The following CDH12 variants were observed in gnomAD, a reference collection of about 807,000 sequenced individuals.
CDH12 encodes the protein cadherin 12.
In CDH12, 41 loss-of-function variants were observed where a neutral mutation model predicts 74.1. That is an observed-to-expected ratio of 0.55 (90% confidence interval 0.43 to 0.72). CDH12 has a LOEUF of 0.72. Ranked by LOEUF, CDH12 falls within the 30% of genes least tolerant of loss-of-function variation. CDH12 has a pLI of 0.00. For synonymous variants in CDH12, 399 were observed against 355.0 expected, an observed-to-expected ratio of 1.12 and a Z score of -1.39; for missense variants, 945 against 977.2, an observed-to-expected ratio of 0.97 and a Z score of 0.44.
intron 5 of CDH12, among the ~76,000 whole-genome samples, chr5:22,028,413 T>A (rs1738542450): frequency 6.6e-6 from 1 of 152,076 alleles, no homozygotes; most frequent in Non-Finnish European, 1.5e-5. Flanking sequence ...TTCAGCAAAG[T>A]CTCAGGATAC....
At chr5:22,606,854 T>C (rs946608831) in intron 1 of CDH12, among the ~76,000 whole-genome samples, 1 of 152,176 alleles carries the variant, frequency 6.6e-6, no homozygotes, top group African/African-American at 2.4e-5. Flanking sequence ...TGTGGGAATG[T>C]TTTGAACTTC....
intron 1 of CDH12, among the ~76,000 whole-genome samples, chr5:22,671,593 C>T (rs1472888272): frequency 6.6e-6 from 1 of 151,966 alleles, no homozygotes; most frequent in Non-Finnish European, 1.5e-5. Context: ...CCACAGGGAA[C>T]AAAATTGCTG....
intron 5 of CDH12, among the ~76,000 whole-genome samples, chr5:21,985,676 C>G (rs1757483567): frequency 6.6e-6 from 1 of 152,116 alleles, no homozygotes; most frequent in Non-Finnish European, 1.5e-5. Context: ...ATGTACAACA[C>G]AAACTACTTT....
At chr5:22,271,862 C>A (rs1192330478) in intron 3 of CDH12, among the ~76,000 whole-genome samples, 2 of 151,942 alleles carry the variant, frequency 1.3e-5, no homozygotes, top group African/African-American at 4.8e-5. Context: ...TATAAACAAT[C>A]ATGCTATCAC....
At chr5:22,290,897 T>C (rs1416595938) in intron 3 of CDH12, among the ~76,000 whole-genome samples, 1 of 152,182 alleles carries the variant, frequency 6.6e-6, no homozygotes, top group Non-Finnish European at 1.5e-5. Context: ...CAGGAGTTGA[T>C]GTCTTCAACG....
intron 1 of CDH12, among the ~76,000 whole-genome samples, chr5:22,799,050 G>C: frequency 6.6e-6 from 1 of 152,154 alleles, no homozygotes; most frequent in East Asian, 1.9e-4. Context: ...CTGGGAGAAA[G>C]AGGTTGAAAT....
At chr5:22,491,975 T>C (rs1318859790) in intron 2 of CDH12, among the ~76,000 whole-genome samples, 1 of 152,222 alleles carries the variant, frequency 6.6e-6, no homozygotes, top group Non-Finnish European at 1.5e-5. Context: ...TAGGGCTCAC[T>C]ATAACGACCT....
At chr5:22,092,098 G>T (rs1444015045) in intron 4 of CDH12, among the ~76,000 whole-genome samples, 1 of 151,424 alleles carries the variant, frequency 6.6e-6, no homozygotes, top group Non-Finnish European at 1.5e-5. Context: ...ACATAAAAAT[G>T]ACTTTTATCC....
At chr5:22,287,987 C>A (rs1737230058) in intron 3 of CDH12, among the ~76,000 whole-genome samples, 1 of 152,028 alleles carries the variant, frequency 6.6e-6, no homozygotes, top group Admixed American at 6.6e-5. Flanking sequence ...AACATTCCAC[C>A]CAGTCAATCA....
At chr5:22,023,724 G>T (rs1211423118) in intron 5 of CDH12, among the ~76,000 whole-genome samples, 3 of 152,094 alleles carry the variant, frequency 2.0e-5, no homozygotes, top group African/African-American at 7.2e-5. Flanking sequence ...ATTAAAACAA[G>T]CTTGGGTAAC....
intron 4 of CDH12, among the ~76,000 whole-genome samples, chr5:22,117,862 C>G (rs181847928): frequency 6.6e-6 from 1 of 151,614 alleles, no homozygotes; most frequent in African/African-American, 2.4e-5. Flanking sequence ...CTTGTTGTTT[C>G]CTTTAGAGTA....
At chr5:22,351,343 G>A (rs1386013258) in intron 3 of CDH12, among the ~76,000 whole-genome samples, 2 of 152,178 alleles carry the variant, frequency 1.3e-5, no homozygotes, top group Non-Finnish European at 2.9e-5. Flanking sequence ...TGGGACAAGT[G>A]AGCCACAGGT....
intron 3 of CDH12, among the ~76,000 whole-genome samples, chr5:22,253,656 G>A (rs945759736): frequency 2.6e-5 from 4 of 151,560 alleles, no homozygotes; most frequent in Admixed American, 6.6e-5. Flanking sequence ...TTTCAATCTA[G>A]CTCCTAAATT....
chr5:21,965,415 C>G (rs899564711), intron 6 of CDH12, among the ~76,000 whole-genome samples: 2 of 151,998 alleles, frequency 1.3e-5, no homozygotes, highest in African/African-American at 4.8e-5. Context: ...TTGGCATTTT[C>G]TTGTCATCAA....
chr5:21,832,864 CATATGATATATG>C (rs1749123050), intron 8 of CDH12, among the ~76,000 whole-genome samples: 1 of 71,180 alleles, frequency 1.4e-5, no homozygotes, highest in African/African-American at 1.6e-4. Flanking sequence ...TGATATATAT[CATATGATATATG>C]ATATAATATT....
chr5:22,434,119 T>C (rs1744280035), intron 2 of CDH12, among the ~76,000 whole-genome samples: 3 of 152,088 alleles, frequency 2.0e-5, no homozygotes, highest in Admixed American at 2.0e-4. Context: ...GTGTCAGAAA[T>C]GACTCCACAA....
chr5:21,995,510 G>C (rs903028370), intron 5 of CDH12, among the ~76,000 whole-genome samples: 10 of 151,762 alleles, frequency 6.6e-5, no homozygotes, highest in Non-Finnish European at 1.0e-4. Context: ...GCCATCCTAA[G>C]CATTTTTTAA....
chr5:22,369,438 G>T (rs183506618), intron 3 of CDH12, among the ~76,000 whole-genome samples: 1 of 152,044 alleles, frequency 6.6e-6, no homozygotes, highest in Admixed American at 6.5e-5. Context: ...GCATAAAAGT[G>T]TCACCCAAAA....
At chr5:22,777,541 G>T (rs150977841) in intron 1 of CDH12, among the ~76,000 whole-genome samples, 43 of 151,998 alleles carry the variant, frequency 2.8e-4, no homozygotes, top group African/African-American at 9.6e-4. Context: ...TAGGATCCTT[G>T]CATTAAATTT....
Sources: gnomAD v4.1 joint callset for allele counts (sites outside exome capture counted in the v4.1 genomes callset) on GRCh38, gnomAD v4.1.1 for gene constraint, MANE v1.5 for transcripts, NCBI Gene and HGNC (gene_info 2026-07-23, HGNC 2026-07-21) for gene names.